Variants in STK31 observed in about 807,000 individuals in gnomAD.
STK31 encodes the protein serine/threonine-protein kinase 31.
Under a neutral mutation model 129.7 loss-of-function variants are expected in STK31, and 89 were observed. The observed-to-expected ratio is 0.69, with a 90% CI of 0.58 to 0.82. The LOEUF (loss-of-function observed/expected upper bound fraction) is 0.82, where lower values mean the gene tolerates loss of function less well. STK31 is among the 40% of genes least tolerant of loss of function. The pLI, the probability that STK31 is intolerant of heterozygous loss-of-function variation, is 0.00. For synonymous variants in STK31, 448 were observed against 395.3 expected (o/e 1.13, Z -1.58); for missense variants, 1,187 against 1,176.4 (o/e 1.01, Z -0.13).
chr7:23,804,915 T>C lies in STK31; in HGVS notation c.2761-10229T>C, dbSNP rs1008829714. Among the ~76,000 whole-genome samples, 20 of 152,242 alleles carry C rather than the reference T, an allele frequency of 1.3e-4. 1 individual carries two copies. The highest frequency in any genetic ancestry group is 2.1e-4 in the South Asian group (1 of 4,838). On this transcript the variant is annotated intron_variant, in intron 22 of 23. Coordinates refer to ENST00000355870, the MANE Select transcript of STK31 (RefSeq NM_031414.5). ...TTTATCAGCAGCCTTCTAGCTTTTTTCTTTATTTACTCATTCTTGGACCCT... is the reference window on the plus strand; with the variant it reads ...TTTATCAGCAGCCTTCTAGCTTTTTCCTTTATTTACTCATTCTTGGACCCT...
chr7:23,722,734 C>G (rs1366560871), intron 4 of STK31: 1 of 152,572 alleles, frequency 6.6e-6, no homozygotes, highest in African/African-American at 2.4e-5. Flanking sequence ...GTGGGCCCCA[C>G]CCAGTTCAAG....
At position 23,786,921 on chromosome 7, in the gene STK31, A is replaced by G; in HGVS notation, c.2484A>G (p.Ser828=). ...NAVQANMPLN[S]EETLKVMKGV... ...TTCAAGCCAACATGCCTTTAAATTC[A>G]GAAGTAAGTAAAAAGCACTATTTAT... is the stretch of plus-strand genomic sequence containing the variant. The change falls in exon 20 of 24, where the codon TCA becomes TCG. Residue 828 remains serine, a synonymous_variant. Transcript: ENST00000355870. 1.9e-6 allele frequency: 3 copies of G among 1,613,268 alleles called. No homozygotes were observed. Among genetic ancestry groups the G allele is most frequent in the Non-Finnish European group, 2.5e-6 (3 of 1,179,416 alleles).
At chr7:23,750,433 G>C (rs906965865) in intron 8 of STK31, among the ~76,000 whole-genome samples, 3 of 152,134 alleles carry the variant, frequency 2.0e-5, no homozygotes, top group Non-Finnish European at 2.9e-5. Context: ...TTTCCACTTT[G>C]TTCAGCTTTT....
chr7:23,781,282 T>C (rs1259200733), intron 15 of STK31, 137 bp from the exon 16 acceptor site: 1 of 574,898 alleles, frequency 1.7e-6, no homozygotes, highest in Non-Finnish European at 3.0e-6. Flanking sequence ...CAGCAAGTAT[T>C]AGAAGGGTCT....
At position 23,824,900 on chromosome 7, in the gene STK31, T is replaced by G. The variant is rs565513038; in HGVS notation, c.2830-7236T>G. Among the ~76,000 whole-genome samples, 448 of 152,098 alleles carry G rather than the reference T, an allele frequency of 2.9e-3. 3 individuals carry two copies. Among genetic ancestry groups the G allele is most frequent in the African/African-American group, 0.01 (423 of 41,410 alleles). ...GTTCTGTTTATATGCTGGATTACGT[T>G]TATTGATTTTCATATGTTGAACCAG... On this transcript the variant is annotated intron_variant, in intron 23 of 23. Transcript: ENST00000355870.
chr7:23,817,605 T>C (rs1383786103), intron 23 of STK31, among the ~76,000 whole-genome samples: 3 of 152,192 alleles, frequency 2.0e-5, no homozygotes, highest in African/African-American at 7.2e-5. Flanking sequence ...TATGGAACCA[T>C]GTAGTTGAGA....
chr7:23,710,208 G>A, upstream of STK31: 1 of 1,609,380 alleles, frequency 6.2e-7, no homozygotes. Context: ...CAGGCGCAGT[G>A]TGGGGCCCTT....
chr7:23,764,234 C>G (rs118119967), intron 11 of STK31, among the ~76,000 whole-genome samples: 1 of 152,222 alleles, frequency 6.6e-6, no homozygotes, highest in Non-Finnish European at 1.5e-5. Flanking sequence ...TCTACTTTGT[C>G]CCTTAAAGGT....
intron 5 of STK31, among the ~76,000 whole-genome samples, chr7:23,727,802 C>T (rs981703043): frequency 2.1e-4 from 32 of 151,630 alleles, no homozygotes; most frequent in African/African-American, 3.4e-4. Flanking sequence ...TCAGGTGATC[C>T]GTCCGCCTCA....
At chr7:23,770,656 C>T (rs1272760464) in intron 13 of STK31, among the ~76,000 whole-genome samples, 2 of 151,646 alleles carry the variant, frequency 1.3e-5, no homozygotes, top group Non-Finnish European at 2.9e-5. Flanking sequence ...GCTCTGTCGC[C>T]CAGGCTGGAG....
At chr7:23,736,723 A>G (rs1054029848) in intron 7 of STK31, among the ~76,000 whole-genome samples, 181 bp from the exon 8 acceptor site, 2 of 152,220 alleles carry the variant, frequency 1.3e-5, no homozygotes, top group African/African-American at 4.8e-5. Flanking sequence ...TTACGACTTC[A>G]GTTATAAAAT....
intron 23 of STK31, among the ~76,000 whole-genome samples, chr7:23,826,921 C>T (rs1336978971): frequency 1.3e-5 from 2 of 152,002 alleles, no homozygotes; most frequent in Non-Finnish European, 2.9e-5. Context: ...GAATATTGGC[C>T]CCCACTCTCT....
intron 23 of STK31, among the ~76,000 whole-genome samples, chr7:23,816,864 G>C (rs1584494315): frequency 6.6e-6 from 1 of 152,234 alleles, no homozygotes; most frequent in East Asian, 1.9e-4. Flanking sequence ...TTGGGGTCTT[G>C]GGGCAATCTT....
At position 23,769,165 on chromosome 7, in the gene STK31, A is replaced by T; in HGVS notation, c.1587A>T (p.Arg529Ser). The change falls in exon 12 of 24, where the codon AGA (arginine) becomes AGT (serine). Residue 529 changes from arginine to serine, a missense_variant. Transcript: ENST00000355870. ...SLHRLVAWFQ[R>S]TLKVFDLSVE... ...ACCGTCTTGTAGCATGGTTCCAAAG[A>T]ACCTTAAAGGTAATAAAAGCTCCTG... The T allele has an allele frequency of 6.3e-7, 1 of 1,582,672 alleles. No individual in the cohort carries two copies. The highest frequency in any genetic ancestry group is 8.6e-7 in the Non-Finnish European group (1 of 1,168,042).
chr7:23,813,828 C>A (rs182509739), intron 22 of STK31, among the ~76,000 whole-genome samples: 136 of 152,208 alleles, frequency 8.9e-4, no homozygotes, highest in Non-Finnish European at 1.2e-3. Context: ...ACCTCCAGAA[C>A]CATCCCTTGT....
At chr7:23,740,313 A>C (rs1787980646) in intron 8 of STK31, among the ~76,000 whole-genome samples, 1 of 152,116 alleles carries the variant, frequency 6.6e-6, no homozygotes, top group South Asian at 2.1e-4. Context: ...TGATGCACAC[A>C]TTATCCCCTT....
intron 3 of STK31, among the ~76,000 whole-genome samples, chr7:23,712,711 C>A (rs114730041): frequency 1.4e-3 from 213 of 151,562 alleles, no homozygotes; most frequent in African/African-American, 4.8e-3. Context: ...GTATTTTTCT[C>A]ATTATAGAAT....
intron 22 of STK31, 47 bp downstream of exon 22, chr7:23,790,993 G>T: frequency 1.6e-6 from 2 of 1,286,606 alleles, no homozygotes; most frequent in Non-Finnish European, 2.0e-6. Context: ...ATATATTTCA[G>T]TATATAAAGT....
In STK31 at chr7:23,783,563, C is replaced by A; in HGVS notation, c.2068-20C>A. ...ATATATATTGATCTACAGTTAAAAA[C>A]TTTTTTTTTTTAACTTTAGGAGATG... On this transcript the variant is annotated intron_variant, in intron 16 of 23. Transcript: ENST00000355870. 1 of 1,234,276 alleles carries A rather than the reference C, an allele frequency of 8.1e-7. No individual in the cohort carries two copies. The highest frequency in any genetic ancestry group is 1.5e-5 in the South Asian group (1 of 67,436). 76.5% of individuals were successfully genotyped at this position (1,234,276 alleles called of 1,614,324 possible).
Sources: allele counts gnomAD v4.1 joint callset (sites outside exome capture counted in the v4.1 genomes callset), GRCh38; gene constraint gnomAD v4.1.1; transcripts MANE v1.5; gene names NCBI Gene and HGNC (gene_info 2026-07-23, HGNC 2026-07-21).